Variants in XXYLT1 observed in about 807,000 individuals in gnomAD.
XXYLT1 encodes the protein UDP-xylose:alpha-xyloside alpha-1,3-xylosyltransferase.
A neutral mutation model predicts 28.9 loss-of-function variants in XXYLT1; 20 were observed. The ratio of observed to expected loss-of-function variants is 0.69; its 90% confidence interval spans 0.49 to 1.00. The LOEUF is 1.00. Among genes scored for constraint, XXYLT1 ranks in the 50% least tolerant of loss-of-function variants. XXYLT1 has a pLI of 0.00. For synonymous variants in XXYLT1, 257 were observed against 253.8 expected (o/e 1.01, Z -0.12); for missense variants, 542 against 560.1 (o/e 0.97, Z 0.33).
chr3:195,206,261 C>T (rs1373902582), intron 2 of XXYLT1, among the ~76,000 whole-genome samples: 4 of 151,670 alleles, frequency 2.6e-5, no homozygotes, highest in South Asian at 2.1e-4. Context: ...CCACCCGCCT[C>T]GGCCTCCCGA....
chr3:195,264,214 T>C (rs923159384), intron 1 of XXYLT1, among the ~76,000 whole-genome samples: 7 of 152,340 alleles, frequency 4.6e-5, no homozygotes, highest in African/African-American at 1.7e-4. Flanking sequence ...GAAATAAGGA[T>C]GGCATCTATG....
rs138979191 is a variant in XXYLT1, at chr3:195,095,040, G to A, written c.786-24929C>T. 1.2e-3 allele frequency among the ~76,000 whole-genome samples: 189 copies of A among 152,304 alleles called. 1 individual carries two copies. The highest frequency in any genetic ancestry group is 2.1e-3 in the Non-Finnish European group (146 of 68,026). On this transcript the variant is annotated intron_variant, in intron 3 of 3. Transcript: ENST00000310380. ...AAAATGCAGACTGGGATTCCGCATC[G>A]CTGACAAGCCCCCAGGTGATACCAA...
At chr3:195,138,257 T>TA (rs1216148737) in intron 3 of XXYLT1, among the ~76,000 whole-genome samples, 2 of 152,204 alleles carry the variant, frequency 1.3e-5, no homozygotes, top group South Asian at 4.1e-4. Flanking sequence ...AACCAAGCCT[T>TA]AAAACTACAA....
intron 1 of XXYLT1, among the ~76,000 whole-genome samples, chr3:195,230,546 T>C (rs1241682319): frequency 2.0e-5 from 3 of 152,184 alleles, no homozygotes; most frequent in Non-Finnish European, 4.4e-5. Context: ...TTAATCCACT[T>C]TGTTTTTTTA....
intron 2 of XXYLT1, among the ~76,000 whole-genome samples, chr3:195,205,139 A>G (rs1266517371): frequency 6.6e-6 from 1 of 152,246 alleles, no homozygotes; most frequent in African/African-American, 2.4e-5. Context: ...TTTTTATAAA[A>G]TGAAACAAGT....
Position 195,256,494 on chromosome 3 carries a change from G to A in XXYLT1, c.504+14061C>T, listed in dbSNP as rs528438188. On this transcript the variant is annotated intron_variant, in intron 1 of 3. Coordinates refer to ENST00000310380, the MANE Select transcript of XXYLT1 (RefSeq NM_152531.5). The surrounding 1 kb of genome is among the most constrained non-coding windows in gnomAD (Gnocchi z 4.2). ...CAGAGGACGGAAGGGAAGTCAGCAC[G>A]GAAGCCTCACCTAGGGTCATTCCAG... The A allele has an allele frequency of 4.1e-4, 404 of 985,372 alleles. 1 individual carries two copies. The African/African-American group carries it at 6.3e-3, about 15-fold the overall frequency. 61.0% of individuals were successfully genotyped at this position (985,372 alleles called of 1,614,324 possible). A position where few individuals can be genotyped will look rare whatever the true frequency, so the allele number is the denominator to read the frequency against.
intron 3 of XXYLT1, among the ~76,000 whole-genome samples, chr3:195,112,398 A>C (rs1717769898): frequency 6.6e-6 from 1 of 151,186 alleles, no homozygotes; most frequent in South Asian, 2.1e-4. Context: ...CAAGGACTGC[A>C]CGTGCGCACG....
intron 2 of XXYLT1, among the ~76,000 whole-genome samples, chr3:195,160,409 A>G (rs1720813183): frequency 6.6e-6 from 1 of 152,216 alleles, no homozygotes; most frequent in Admixed American, 6.5e-5. Context: ...GCATCAGCCC[A>G]AATTCCACTA....
At chr3:195,204,031 C>T (rs1311126327) in intron 2 of XXYLT1, among the ~76,000 whole-genome samples, 2 of 152,198 alleles carry the variant, frequency 1.3e-5, no homozygotes, top group African/African-American at 4.8e-5. Context: ...GCTTAGAATT[C>T]ACCACACATA....
At chr3:195,080,492 A>G (rs1715371554) in intron 3 of XXYLT1, among the ~76,000 whole-genome samples, 1 of 141,954 alleles carries the variant, frequency 7.0e-6, no homozygotes, top group African/African-American at 2.6e-5. Flanking sequence ...CTGGGCAGCC[A>G]GGCCCCAGCT....
At chr3:195,175,883 T>A in intron 2 of XXYLT1, 1 of 1,413,066 alleles carries the variant, frequency 7.1e-7, no homozygotes, top group Non-Finnish European at 9.2e-7. Flanking sequence ...AGTGTGACAT[T>A]TGTGTGGGAA....
chr3:195,269,685 C>G lies in XXYLT1; in HGVS notation c.504+870G>C, dbSNP rs116288402. On this transcript the variant is annotated intron_variant, in intron 1 of 3. Coordinates refer to ENST00000310380, the MANE Select transcript of XXYLT1 (RefSeq NM_152531.5). ...ACAACTCCTGTCTCAGCATGCTTCC[C>G]CAACCAACATCAGTCTCCACCCTTT... Among the ~76,000 whole-genome samples the G allele has an allele frequency of 2.1e-3, 316 of 152,326 alleles. 2 individuals carry two copies. The Middle Eastern group carries it at 0.031, about 15-fold the overall frequency.
In XXYLT1 at chr3:195,083,323, C is replaced by T. The variant is rs564428850; in HGVS notation, c.786-13212G>A. ...GTGAGCTGAAACAGTCTTGGGGCAG[C>T]CTGACAGAACCTCTCGAAAGACTCC... On this transcript the variant is annotated intron_variant, in intron 3 of 3. Coordinates refer to ENST00000310380, the MANE Select transcript of XXYLT1 (RefSeq NM_152531.5). Among the ~76,000 whole-genome samples the T allele has an allele frequency of 2.0e-5, 3 of 152,262 alleles. No individual in the cohort carries two copies. The East Asian group carries it at 5.8e-4, about 29-fold the overall frequency.
At chr3:195,102,674 T>C (rs1341040441) in intron 3 of XXYLT1, among the ~76,000 whole-genome samples, 2 of 152,234 alleles carry the variant, frequency 1.3e-5, no homozygotes, top group Non-Finnish European at 2.9e-5. Context: ...TGTGTGTGTG[T>C]GTGTCTTGTA....
chr3:195,090,490 A>G (rs1159198923), intron 3 of XXYLT1, among the ~76,000 whole-genome samples: 5 of 150,394 alleles, frequency 3.3e-5, no homozygotes, highest in African/African-American at 1.3e-4. Context: ...AAGAACAAAG[A>G]CACAACATAC....
At chr3:195,233,472 ATGTTT>A (rs565515549) in intron 1 of XXYLT1, among the ~76,000 whole-genome samples, 1 of 152,102 alleles carries the variant, frequency 6.6e-6, no homozygotes, top group Admixed American at 6.6e-5. Flanking sequence ...CTCTGGTGTT[ATGTTT>A]TATTTTCATG....
At chr3:195,146,434 G>A (rs769607416) in intron 3 of XXYLT1, among the ~76,000 whole-genome samples, 11 of 152,244 alleles carry the variant, frequency 7.2e-5, no homozygotes, top group Non-Finnish European at 1.6e-4. Context: ...ATCATCCGCC[G>A]CTGTGCCTCC....
At chr3:195,080,791 G>C (rs1264552687) in intron 3 of XXYLT1, among the ~76,000 whole-genome samples, 1 of 152,224 alleles carries the variant, frequency 6.6e-6, no homozygotes, top group African/African-American at 2.4e-5. Context: ...ATCCGCACCA[G>C]CGCCCTTCAC....
At chr3:195,094,958 A>G (rs970471748) in intron 3 of XXYLT1, among the ~76,000 whole-genome samples, 5 of 152,176 alleles carry the variant, frequency 3.3e-5, no homozygotes, top group African/African-American at 1.2e-4. Context: ...TACTAGATGC[A>G]GGGCAGTGCT....
Sources: allele counts gnomAD v4.1 joint callset (sites outside exome capture counted in the v4.1 genomes callset), GRCh38; gene constraint gnomAD v4.1.1; non-coding constraint Gnocchi (gnomAD v3.1); transcripts MANE v1.5; gene names NCBI Gene and HGNC (gene_info 2026-07-23, HGNC 2026-07-21).